The following ZNF214 variants were observed in gnomAD, a reference collection of about 807,000 sequenced individuals.
ZNF214 encodes the protein BWSCR2-associated zinc finger protein 1.
A neutral mutation model predicts 53.9 loss-of-function variants in ZNF214; 43 were observed. The ratio of observed to expected loss-of-function variants is 0.80; its 90% confidence interval spans 0.63 to 1.03. ZNF214 has a LOEUF of 1.03. Among genes scored for constraint, ZNF214 ranks in the 50% least tolerant of loss-of-function variants. ZNF214 has a pLI of 0.00. For synonymous variants in ZNF214, 217 were observed against 229.5 expected (o/e 0.95, Z 0.49); for missense variants, 724 against 719.1 (o/e 1.01, Z -0.08).
chr11:7,002,019 TCTC>T (rs1203992740), intron 2 of ZNF214, among the ~76,000 whole-genome samples: 2 of 152,008 alleles, frequency 1.3e-5, no homozygotes, highest in Non-Finnish European at 2.9e-5. Context: ...CCTTTGGTGT[TCTC>T]CTTCCACACT....
At chr11:7,010,668 A>C (rs1851586687) in intron 1 of ZNF214, among the ~76,000 whole-genome samples, 1 of 151,780 alleles carries the variant, frequency 6.6e-6, no homozygotes, top group Non-Finnish European at 1.5e-5. Flanking sequence ...AACTTCAAAA[A>C]AGAAGAATAA....
At position 7,002,722 on chromosome 11, in the gene ZNF214, A is replaced by G; in HGVS notation, c.114T>C (p.Asn38=). The change falls in exon 2 of 3, where the codon AAT becomes AAC. Residue 38 remains asparagine, a synonymous_variant. Coordinates refer to ENST00000278314, the MANE Select transcript of ZNF214 (RefSeq NM_013249.4). The part of the protein sequence containing the change: ...YREVMWENYT[N]VMSVENWNES... ...GGATAACTTTACCTACTGACATGAC[A>G]TTTGTGTAGTTCTCCCACATGACCT... The G allele has an allele frequency of 6.2e-7, 1 of 1,602,582 alleles. No homozygotes were observed. The highest frequency in any genetic ancestry group is 8.5e-7 in the Non-Finnish European group (1 of 1,175,266).
rs1194092503 is a variant in ZNF214 at position 7,001,551 on chromosome 11, G to A, written c.132C>T (p.Asn44=). 4 of 1,586,236 alleles carry A rather than the reference G, an allele frequency of 2.5e-6. 1 individual carries two copies. In the South Asian group the frequency reaches 4.5e-5, roughly 18 times the overall value. The change falls in exon 3 of 3, where the codon AAC becomes AAT. Residue 44 remains asparagine, a synonymous_variant. Coordinates refer to ENST00000278314, the MANE Select transcript of ZNF214 (RefSeq NM_013249.4). Reference sequence around the variant, plus strand: ...CTTGGGATTTGTAGCTCTCATTCCAGTTTTCTAGAAAAATAAAAAGATAAT... The same window carrying A: ...CTTGGGATTTGTAGCTCTCATTCCAATTTTCTAGAAAAATAAAAAGATAAT... The part of the protein sequence containing the change: ...ENYTNVMSVE[N]WNESYKSQEE...
At position 7,001,027 on chromosome 11, in the gene ZNF214, C is replaced by G. The variant is rs758498912; in HGVS notation, c.656G>C (p.Cys219Ser). The G allele has an allele frequency of 3.5e-5, 56 of 1,613,110 alleles. No homozygotes were observed. The highest frequency in any genetic ancestry group is 4.7e-5 in the Non-Finnish European group (56 of 1,179,586). ...AATTCCTTTACATTTATTACATCCACAGTACTTTTCTTCCATTGAATCTCT... is the reference window on the plus strand; with the variant it reads ...AATTCCTTTACATTTATTACATCCAGAGTACTTTTCTTCCATTGAATCTCT... ...LLRDSMEEKY[C>S]GCNKCKGIYY... Residue 219 changes from cysteine to serine, a missense_variant, in exon 3 of 3, where the codon TGT becomes TCT. By Grantham distance (112) the Cys-to-Ser change is moderately radical (BLOSUM62 -1). Transcript: ENST00000278314.
chr11:7,002,857 T>C lies in ZNF214; in HGVS notation c.-20-2A>G, dbSNP rs759937322. 4 of 1,573,988 alleles carry C rather than the reference T, an allele frequency of 2.5e-6. No homozygotes were observed. Among genetic ancestry groups the C allele is most frequent in the South Asian group, 2.4e-5 (2 of 83,924 alleles). ...CCATCTGGTCAAAGATCAGGCTTTC[T>C]AGGAAAAAGAAATCTAAGTGAGAAG... On this transcript the variant is annotated splice_acceptor_variant, in intron 1 of 2. Coordinates refer to ENST00000278314, the MANE Select transcript of ZNF214 (RefSeq NM_013249.4). LOFTEE classifies it low-confidence loss of function (5UTR_SPLICE).
intron 1 of ZNF214, among the ~76,000 whole-genome samples, chr11:7,018,669 T>C (rs1851836484): frequency 6.6e-6 from 1 of 151,948 alleles, no homozygotes; most frequent in Non-Finnish European, 1.5e-5. Context: ...GCCTGGCTAA[T>C]TTTTGTATTT....
intron 1 of ZNF214, among the ~76,000 whole-genome samples, chr11:7,003,183 T>C (rs1851393385): frequency 6.6e-6 from 1 of 152,152 alleles, no homozygotes; most frequent in East Asian, 1.9e-4. Flanking sequence ...AATATATGTA[T>C]TAAAACTGCC....
chr11:7,001,582 G>T, intron 2 of ZNF214, 27 bp from the exon 3 acceptor site: 1 of 1,557,968 alleles, frequency 6.4e-7, no homozygotes. Flanking sequence ...ATAATCCCAT[G>T]GTGAGATAAA....
intron 1 of ZNF214, among the ~76,000 whole-genome samples, chr11:7,003,967 GGAT>G (rs1851418208): frequency 6.6e-6 from 1 of 151,332 alleles, no homozygotes; most frequent in African/African-American, 2.4e-5. Flanking sequence ...GAAAAATTTG[GGAT>G]GCTCAGAAAC....
At chr11:7,006,394 T>C (rs1851473750) in intron 1 of ZNF214, among the ~76,000 whole-genome samples, 1 of 152,110 alleles carries the variant, frequency 6.6e-6, no homozygotes, top group Non-Finnish European at 1.5e-5. Context: ...TTATTAGTTT[T>C]CTTTAAGGTC....
Position 6,998,711 on chromosome 11 carries a change from CA to C in ZNF214, c.*1150del, listed in dbSNP as rs1171844270. 6.6e-6 allele frequency among the ~76,000 whole-genome samples: 1 copy of C among 151,806 alleles called. No homozygotes were observed. Among genetic ancestry groups the C allele is most frequent in the African/African-American group, 2.4e-5 (1 of 41,342 alleles). ...TTCTCTGTTATGCCACTAAGGACACCAACATTTCTGGAAATTTCCTCTGAAG... is the reference window on the plus strand; with the variant it reads ...TTCTCTGTTATGCCACTAAGGACACCACATTTCTGGAAATTTCCTCTGAAG... On this transcript the variant is annotated 3_prime_UTR_variant, in exon 3 of 3. Transcript: ENST00000278314.
chr11:7,003,618 C>T (rs1043678569), intron 1 of ZNF214, among the ~76,000 whole-genome samples: 1 of 151,822 alleles, frequency 6.6e-6, no homozygotes, highest in Non-Finnish European at 1.5e-5. Flanking sequence ...CCCAGCACTA[C>T]CTATTAAATA....
Position 7,002,802 on chromosome 11 carries a change from A to G in ZNF214, c.34T>C (p.Phe12Leu), listed in dbSNP as rs746759889. The change falls in exon 2 of 3, where the codon TTT becomes CTT. Residue 12 changes from phenylalanine (F) to leucine (L), a missense_variant. Transcript: ENST00000278314. ...AGGAATTTCCACTCCTCCCATGTAA[A>G]AATAATAGTCACATCTTCAAATGTT... ...AVTFEDVTII[F>L]TWEEWKFLDS... The G allele has an allele frequency of 6.2e-7, 1 of 1,608,456 alleles. No individual in the cohort carries two copies. The highest frequency in any genetic ancestry group is 2.2e-5 in the East Asian group (1 of 44,498).
At position 7,001,330 on chromosome 11, in the gene ZNF214, T is replaced by C; in HGVS notation, c.353A>G (p.Asn118Ser). 6.2e-7 allele frequency: 1 copy of C among 1,613,224 alleles called. No individual in the cohort carries two copies. Among genetic ancestry groups the C allele is most frequent in the South Asian group, 1.1e-5 (1 of 91,046 alleles). The change falls in exon 3 of 3, where the codon AAC (asparagine) becomes AGC (serine). Residue 118 changes from asparagine (N) to serine (S), a missense_variant. Transcript: ENST00000278314. ...TTTGCTTTCAAAAGTCAGTTCATAGTTCCCATACCCTGGTACTTGTGTGGA... is the reference window on the plus strand; with the variant it reads ...TTTGCTTTCAAAAGTCAGTTCATAGCTCCCATACCCTGGTACTTGTGTGGA... ...ILSTQVPGYGNYELTFESKSL... is the reference protein window; with the variant it reads ...ILSTQVPGYGSYELTFESKSL...
intron 1 of ZNF214, among the ~76,000 whole-genome samples, chr11:7,016,662 T>C (rs1851777583): frequency 6.6e-6 from 1 of 152,172 alleles, no homozygotes; most frequent in Non-Finnish European, 1.5e-5. Flanking sequence ...TACATATGTG[T>C]ATGTGTAATT....
chr11:7,013,615 C>T (rs999015752), intron 1 of ZNF214, among the ~76,000 whole-genome samples: 4 of 152,206 alleles, frequency 2.6e-5, no homozygotes, highest in Admixed American at 6.5e-5. Flanking sequence ...TTGGGGCCTT[C>T]GCAGCCTCCG....
chr11:7,016,111 T>G (rs1851758493), intron 1 of ZNF214: 1 of 152,232 alleles, frequency 6.6e-6, no homozygotes, highest in Non-Finnish European at 1.5e-5. Context: ...ATATGCATTA[T>G]AGTTCAAATA....
intron 1 of ZNF214, among the ~76,000 whole-genome samples, chr11:7,005,799 T>G (rs1851459150): frequency 6.6e-6 from 1 of 152,154 alleles, no homozygotes; most frequent in Non-Finnish European, 1.5e-5. Flanking sequence ...TGTCTAATTC[T>G]GTAATTCTAC....
Position 7,001,522 on chromosome 11 carries a change from T to A in ZNF214, c.161A>T (p.Glu54Val), listed in dbSNP as rs541913273. ...TTCATATTCTAAGTATCTGAATTTT[T>A]CTTCTTGGGATTTGTAGCTCTCATT... ...NWNESYKSQE[E>V]KFRYLEYENF... The change falls in exon 3 of 3, where the codon GAA (glutamate) becomes GTA (valine). Residue 54 changes from glutamate (E) to valine (V), a missense_variant. Transcript: ENST00000278314. 18 of 1,607,670 alleles carry A rather than the reference T, an allele frequency of 1.1e-5. No homozygotes were observed. The South Asian group carries it at 2.0e-4, about 18-fold the overall frequency.
Sources: allele counts gnomAD v4.1 joint callset (sites outside exome capture counted in the v4.1 genomes callset), GRCh38; gene constraint gnomAD v4.1.1; transcripts MANE v1.5; gene names NCBI Gene and HGNC (gene_info 2026-07-23, HGNC 2026-07-21).